AFG1L: variants seen among roughly 807,000 people sequenced by gnomAD.
AFG1L encodes AFG1-like ATPase.
In AFG1L, 53 loss-of-function variants were observed where a neutral mutation model predicts 62.2. That is an observed-to-expected ratio of 0.85 (90% confidence interval 0.68 to 1.07). AFG1L has a LOEUF of 1.07. Among genes scored for constraint, AFG1L ranks in the 50% least tolerant of loss-of-function variants. The probability of loss-of-function intolerance (pLI) is 0.00; values close to 1 mark genes in which losing one functional copy is unlikely to be tolerated. For synonymous variants in AFG1L, 228 were observed against 210.3 expected (o/e 1.08, Z -0.73); for missense variants, 555 against 590.5 (o/e 0.94, Z 0.62).
intron 10 of AFG1L, 54 bp downstream of exon 10, chr6:108,477,346 T>A: frequency 1.9e-6 from 2 of 1,045,202 alleles, no homozygotes; most frequent in Non-Finnish European, 2.8e-6. Context: ...TTAAAATACT[T>A]CGTGTTTTCC....
chr6:108,462,429 C>G (rs1428033699), intron 8 of AFG1L, among the ~76,000 whole-genome samples: 1 of 152,064 alleles, frequency 6.6e-6, no homozygotes, highest in African/African-American at 2.4e-5. Context: ...AAAAACACTC[C>G]CGAATCACAA....
At chr6:108,496,140 C>T (rs954404643) in intron 10 of AFG1L, among the ~76,000 whole-genome samples, 6 of 152,178 alleles carry the variant, frequency 3.9e-5, no homozygotes, top group Admixed American at 2.0e-4. Context: ...GGTTTAGTTA[C>T]ATAGGAGGAT....
At chr6:108,467,753 G>A (rs755755772) in intron 8 of AFG1L, among the ~76,000 whole-genome samples, 6 of 152,058 alleles carry the variant, frequency 3.9e-5, no homozygotes, top group Admixed American at 6.6e-5. Flanking sequence ...TAACCCTATG[G>A]TAGAGAAATG....
chr6:108,499,826 G>T (rs984792906), intron 10 of AFG1L, among the ~76,000 whole-genome samples: 3 of 152,066 alleles, frequency 2.0e-5, no homozygotes, highest in African/African-American at 2.4e-5. Flanking sequence ...GATTCAGGGG[G>T]TACATGCACA....
At chr6:108,329,104 C>T (rs1466284590) in intron 2 of AFG1L, among the ~76,000 whole-genome samples, 2 of 149,748 alleles carry the variant, frequency 1.3e-5, no homozygotes, top group Non-Finnish European at 3.0e-5. Context: ...TCCTTCCTTC[C>T]TATCTTCCCT....
intron 7 of AFG1L, among the ~76,000 whole-genome samples, chr6:108,428,367 AT>A (rs1770918395): frequency 6.6e-6 from 1 of 152,180 alleles, no homozygotes; most frequent in South Asian, 2.1e-4. Context: ...GGGCACTTAG[AT>A]TAGTTCTCCA....
chr6:108,490,309 G>A (rs879778683), intron 10 of AFG1L, among the ~76,000 whole-genome samples: 3 of 152,142 alleles, frequency 2.0e-5, no homozygotes, highest in Non-Finnish European at 2.9e-5. Context: ...GTAGTGAGCC[G>A]AAATCACGCC....
chr6:108,297,873 A>G (rs1249542516), intron 1 of AFG1L, among the ~76,000 whole-genome samples: 4 of 150,568 alleles, frequency 2.7e-5, no homozygotes, highest in South Asian at 4.2e-4. Context: ...AAAAAAAAAA[A>G]AAAAAAGGAA....
intron 2 of AFG1L, among the ~76,000 whole-genome samples, chr6:108,325,438 C>T (rs78620484): frequency 6.9e-6 from 1 of 144,016 alleles, no homozygotes; most frequent in Non-Finnish European, 1.5e-5. Context: ...GCTGTTTTGC[C>T]TTTTTTTTTT....
intron 8 of AFG1L, among the ~76,000 whole-genome samples, chr6:108,454,458 A>G (rs780322505): frequency 3.9e-5 from 6 of 152,172 alleles, no homozygotes; most frequent in Non-Finnish European, 5.9e-5. Flanking sequence ...TGTCATTCTT[A>G]GGTGAGTGGG....
intron 8 of AFG1L, among the ~76,000 whole-genome samples, chr6:108,458,746 C>T (rs1321151903): frequency 6.6e-6 from 1 of 152,040 alleles, no homozygotes; most frequent in African/African-American, 2.4e-5. Flanking sequence ...ATTTCTGGGT[C>T]TGTTTCTATT....
At chr6:108,312,008 G>T (rs1041717803) in intron 1 of AFG1L, among the ~76,000 whole-genome samples, 1 of 152,052 alleles carries the variant, frequency 6.6e-6, no homozygotes, top group Non-Finnish European at 1.5e-5. Context: ...GGGATTACAG[G>T]CATGTGCCAT....
Position 108,447,308 on chromosome 6 carries a change from T to C in AFG1L, c.890+12T>C. The C allele has an allele frequency of 6.6e-7, 1 of 1,514,972 alleles. No homozygotes were observed. The highest frequency in any genetic ancestry group is 1.7e-5 in the Admixed American group (1 of 57,768). The allele number at this position is 1,514,972 out of a possible 1,614,324, so 93.8% of individuals were successfully genotyped here. ...AAACTCTACTACCTGTAAGTGTTTC[T>C]AATTTTTAAAGTTTAATGTCTAATC... is the stretch of plus-strand genomic sequence containing the variant. On this transcript the variant is annotated intron_variant, in intron 8 of 12. Coordinates refer to ENST00000368977, the MANE Select transcript of AFG1L (RefSeq NM_145315.5).
intron 10 of AFG1L, among the ~76,000 whole-genome samples, chr6:108,500,220 G>A (rs992754430): frequency 1.4e-4 from 18 of 124,336 alleles, no homozygotes; most frequent in South Asian, 1.1e-3. Context: ...GTACATATAC[G>A]TATACCTGAT....
chr6:108,383,747 A>G (rs562175603), intron 6 of AFG1L, among the ~76,000 whole-genome samples: 43 of 152,322 alleles, frequency 2.8e-4, no homozygotes, highest in Admixed American at 8.5e-4. Flanking sequence ...ACAGTCGAGC[A>G]TTTTAGAATT....
chr6:108,369,485 A>G (rs907448902), intron 6 of AFG1L, among the ~76,000 whole-genome samples: 3 of 152,200 alleles, frequency 2.0e-5, no homozygotes, highest in African/African-American at 7.2e-5. Flanking sequence ...TCCTAGAGAA[A>G]GAACGTCCTT....
intron 2 of AFG1L, among the ~76,000 whole-genome samples, chr6:108,333,616 A>T (rs910494893): frequency 6.6e-6 from 1 of 152,098 alleles, no homozygotes; most frequent in African/African-American, 2.4e-5. Flanking sequence ...TATAAATAAC[A>T]TCTACCATAT....
chr6:108,357,618 T>C (rs1018886627), intron 5 of AFG1L, among the ~76,000 whole-genome samples: 1 of 152,218 alleles, frequency 6.6e-6, no homozygotes, highest in Non-Finnish European at 1.5e-5. Context: ...TAAAAAGTGT[T>C]ATATAAAGAA....
intron 8 of AFG1L, among the ~76,000 whole-genome samples, chr6:108,456,597 CT>C (rs997958885): frequency 6.6e-6 from 1 of 151,924 alleles, no homozygotes; most frequent in Non-Finnish European, 1.5e-5. Context: ...TTTCAGAACA[CT>C]TTTATCACCC....
Sources: gnomAD v4.1 joint callset for allele counts (sites outside exome capture counted in the v4.1 genomes callset) on GRCh38, gnomAD v4.1.1 for gene constraint, MANE v1.5 for transcripts, NCBI Gene and HGNC (gene_info 2026-07-23, HGNC 2026-07-21) for gene names.